Variants in GABRG3 observed in about 807,000 individuals in gnomAD.
The protein encoded by GABRG3 is gamma-aminobutyric acid type A receptor subunit gamma3.
A neutral mutation model predicts 48.8 loss-of-function variants in GABRG3; 25 were observed. The observed-to-expected ratio is 0.51, with a 90% CI of 0.37 to 0.72. The LOEUF (loss-of-function observed/expected upper bound fraction) is 0.72, where lower values mean the gene tolerates loss of function less well. GABRG3 is among the 30% of genes least tolerant of loss of function. The pLI is 0.00. For synonymous variants in GABRG3, 227 were observed against 217.6 expected (o/e 1.04, Z -0.38); for missense variants, 394 against 577.9 (o/e 0.68, Z 3.26).
intron 3 of GABRG3, among the ~76,000 whole-genome samples, chr15:27,125,410 G>A (rs1184649438): frequency 1.3e-5 from 2 of 152,188 alleles, no homozygotes; most frequent in Non-Finnish European, 2.9e-5. Flanking sequence ...TAGCCAAATA[G>A]GAATGAGTGC....
intron 3 of GABRG3, among the ~76,000 whole-genome samples, chr15:27,222,173 G>A (rs1314863786): frequency 1.3e-5 from 2 of 152,268 alleles, no homozygotes; most frequent in East Asian, 1.9e-4. Context: ...GCTACACCTG[G>A]GTGGAATCAC....
intron 3 of GABRG3, among the ~76,000 whole-genome samples, chr15:27,175,690 A>G (rs1393913669): frequency 6.6e-6 from 1 of 152,208 alleles, no homozygotes; most frequent in Non-Finnish European, 1.5e-5. Context: ...AAGCATGGCA[A>G]ATGGGCCCAC....
chr15:27,472,729 G>A (rs1375276389), intron 5 of GABRG3, among the ~76,000 whole-genome samples: 1 of 152,086 alleles, frequency 6.6e-6, no homozygotes, highest in Non-Finnish European at 1.5e-5. Flanking sequence ...AAAGGAAAAG[G>A]AACTCTATTT....
At chr15:27,450,281 C>A (rs1005688629) in intron 5 of GABRG3, among the ~76,000 whole-genome samples, 29 of 152,308 alleles carry the variant, frequency 1.9e-4, no homozygotes, top group African/African-American at 6.5e-4. Context: ...GACAGGCCAA[C>A]ATCCCCGATG....
Position 27,456,480 on chromosome 15 carries a change from G to A in GABRG3, c.575-24170G>A, listed in dbSNP as rs560735646. Reference sequence around the variant, plus strand: ...CCAAATAAAGGCACTGGGCCCCCCCGGGAAGGACCCGCAGAGGGACTGTGA... The same window carrying A: ...CCAAATAAAGGCACTGGGCCCCCCCAGGAAGGACCCGCAGAGGGACTGTGA... On this transcript the variant is annotated intron_variant, in intron 5 of 9. Transcript: ENST00000615808. Among the ~76,000 whole-genome samples the A allele has an allele frequency of 9.2e-5, 14 of 152,260 alleles. No homozygotes were observed. The East Asian group carries it at 1.5e-3, about 17-fold the overall frequency.
chr15:27,377,147 C>G (rs1895623717), intron 5 of GABRG3, among the ~76,000 whole-genome samples: 1 of 152,184 alleles, frequency 6.6e-6, no homozygotes, highest in African/African-American at 2.4e-5. Context: ...TGCTCCAATT[C>G]CCAACAAGTT....
intron 3 of GABRG3, among the ~76,000 whole-genome samples, chr15:27,307,114 T>C (rs971767643): frequency 1.6e-4 from 20 of 125,336 alleles, no homozygotes; most frequent in African/African-American, 4.8e-4. Context: ...CATGTTTATA[T>C]ATAAACATAA....
chr15:27,368,166 AG>A (rs1895273887), intron 5 of GABRG3, among the ~76,000 whole-genome samples: 1 of 152,184 alleles, frequency 6.6e-6, no homozygotes, highest in South Asian at 2.1e-4. Flanking sequence ...CAGTGGAGAA[AG>A]GTCAGAGCTC....
At chr15:27,110,682 A>G (rs1476856239) in intron 3 of GABRG3, among the ~76,000 whole-genome samples, 1 of 151,602 alleles carries the variant, frequency 6.6e-6, no homozygotes, top group East Asian at 1.9e-4. Flanking sequence ...TTTTTCTTTG[A>G]ACAATTTAAA....
At chr15:27,465,925 C>T (rs1889595347) in intron 5 of GABRG3, among the ~76,000 whole-genome samples, 1 of 152,236 alleles carries the variant, frequency 6.6e-6, no homozygotes, top group South Asian at 2.1e-4. Flanking sequence ...ATCCACTGAA[C>T]TGATTCTAAA....
intron 3 of GABRG3, among the ~76,000 whole-genome samples, chr15:27,044,340 T>A (rs1896327473): frequency 6.6e-6 from 1 of 152,202 alleles, no homozygotes; most frequent in South Asian, 2.1e-4. Flanking sequence ...ATTTCTGTTC[T>A]TGCCCTAAAC....
chr15:26,992,073 G>T (rs1425626533), intron 2 of GABRG3, among the ~76,000 whole-genome samples: 1 of 152,082 alleles, frequency 6.6e-6, no homozygotes, highest in African/African-American at 2.4e-5. Context: ...ACTGATTTTT[G>T]TATGTCAAAC....
At chr15:27,021,537 C>CT (rs1004384131) in intron 2 of GABRG3, among the ~76,000 whole-genome samples, 1 of 152,202 alleles carries the variant, frequency 6.6e-6, no homozygotes, top group African/African-American at 2.4e-5. Flanking sequence ...ACCCCAGACA[C>CT]TTACTCGAAA....
rs940306492 is a variant in GABRG3 at position 26,975,025 on chromosome 15, C to T, written c.54-1977C>T. 1.3e-5 allele frequency among the ~76,000 whole-genome samples: 2 copies of T among 151,796 alleles called. No individual in the cohort carries two copies. Among genetic ancestry groups the T allele is most frequent in the Admixed American group, 1.3e-4 (2 of 15,252 alleles). On this transcript the variant is annotated intron_variant, in intron 1 of 9. Transcript: ENST00000615808. This position sits in a 1 kb window ranked among gnomAD's most constrained non-coding sequence, Gnocchi z 4.6. ...AATAGCCAGGACTACAGGCATGTGCCACCATGCCCCGCTAATTTTTTTTGT... is the reference window on the plus strand; with the variant it reads ...AATAGCCAGGACTACAGGCATGTGCTACCATGCCCCGCTAATTTTTTTTGT...
At chr15:27,343,153 C>T (rs915571893) in intron 5 of GABRG3, among the ~76,000 whole-genome samples, 1 of 152,148 alleles carries the variant, frequency 6.6e-6, no homozygotes, top group African/African-American at 2.4e-5. Flanking sequence ...TGACCATTCA[C>T]AGTTGGAAAC....
At chr15:27,308,618 T>C (rs78589968) in intron 3 of GABRG3, among the ~76,000 whole-genome samples, 5,797 of 108,602 alleles carry the variant, frequency 0.053, 342 homozygotes, top group African/African-American at 0.15. Context: ...AACATACGCT[T>C]ATATATAAAC....
rs1221404098 is a variant in GABRG3, at chr15:27,352,875, C to T, written c.574+23987C>T. 1.3e-5 allele frequency among the ~76,000 whole-genome samples: 2 copies of T among 152,112 alleles called. No individual in the cohort carries two copies. Among genetic ancestry groups the T allele is most frequent in the Admixed American group, 6.5e-5 (1 of 15,284 alleles). The stretch of plus-strand genomic sequence containing the variant: ...GTAAAATAAGACTCCAGCACATGCT[C>T]ACTTGGTAAGTCATTGCATCTGCAT... On this transcript the variant is annotated intron_variant, in intron 5 of 9. Coordinates refer to ENST00000615808, the MANE Select transcript of GABRG3 (RefSeq NM_033223.5). This position sits in a 1 kb window ranked among gnomAD's most constrained non-coding sequence, Gnocchi z 4.0.
At chr15:27,007,538 G>A (rs1185319513) in intron 2 of GABRG3, among the ~76,000 whole-genome samples, 1 of 152,126 alleles carries the variant, frequency 6.6e-6, no homozygotes, top group African/African-American at 2.4e-5. Flanking sequence ...CATCAGCAGT[G>A]GATAAGCGTT....
intron 3 of GABRG3, among the ~76,000 whole-genome samples, chr15:27,216,204 C>T (rs1300638194): frequency 6.6e-6 from 1 of 152,198 alleles, no homozygotes; most frequent in African/African-American, 2.4e-5. Context: ...AGACCAAATT[C>T]GGGTGCAGGG....
Sources: allele counts gnomAD v4.1 joint callset (sites outside exome capture counted in the v4.1 genomes callset), GRCh38; gene constraint gnomAD v4.1.1; non-coding constraint Gnocchi (gnomAD v3.1); transcripts MANE v1.5; gene names NCBI Gene and HGNC (gene_info 2026-07-23, HGNC 2026-07-21).